Variants in FGGY observed in about 807,000 individuals in gnomAD.
The protein encoded by FGGY is FGGY carbohydrate kinase domain containing, also known as FGGY carbohydrate kinase domain-containing protein.
A neutral mutation model predicts 71.3 loss-of-function variants in FGGY; 72 were observed. That is an observed-to-expected ratio of 1.01 (90% CI 0.84 to 1.23). The LOEUF is 1.23. Among genes scored for constraint, FGGY ranks in the 50% most tolerant of loss-of-function variants. The pLI is 0.00. For missense variants in FGGY, 668 were observed against 682.3 expected (o/e 0.98, Z 0.23); for synonymous variants, 251 against 250.3 (o/e 1.00, Z -0.02).
chr1:59,302,385 A>G (rs1469282250), intron 1 of FGGY, among the ~76,000 whole-genome samples: 3 of 152,226 alleles, frequency 2.0e-5, no homozygotes, highest in Admixed American at 6.5e-5. Context: ...CACTATTCAC[A>G]ATAGCAAAGA....
At chr1:59,521,975 G>GAAAAAATAAAATAATAAAATAATA (rs2094846056) in intron 7 of FGGY, among the ~76,000 whole-genome samples, 1 of 152,198 alleles carries the variant, frequency 6.6e-6, no homozygotes, top group Admixed American at 6.5e-5. Context: ...TCCAGAGCTG[G>GAAAAAATAAAATAATAAAATAATA]AAATAATAAA....
chr1:59,426,605 C>T (rs1359044559), intron 5 of FGGY, among the ~76,000 whole-genome samples: 1 of 152,148 alleles, frequency 6.6e-6, no homozygotes, highest in Non-Finnish European at 1.5e-5. Context: ...AGAGGCCATC[C>T]CTGAATTTCT....
intron 14 of FGGY, among the ~76,000 whole-genome samples, chr1:59,701,231 A>G (rs1377994072): frequency 6.6e-6 from 1 of 152,214 alleles, no homozygotes; most frequent in Non-Finnish European, 1.5e-5. Context: ...AAGTCAGTTA[A>G]GATGAACATA....
chr1:59,467,906 G>T (rs2092728801), intron 6 of FGGY, among the ~76,000 whole-genome samples: 1 of 127,618 alleles, frequency 7.8e-6, no homozygotes, highest in African/African-American at 2.6e-5. Context: ...GTTTTGTTTT[G>T]TTTTGTTTTT....
intron 9 of FGGY, among the ~76,000 whole-genome samples, chr1:59,612,850 G>C (rs963219964): frequency 1.3e-5 from 2 of 152,150 alleles, no homozygotes; most frequent in African/African-American, 4.8e-5. Flanking sequence ...TGCAATCCTA[G>C]TCTCTGATAA....
intron 7 of FGGY, among the ~76,000 whole-genome samples, chr1:59,546,950 C>CTTTTTTTTTT (rs761977942): frequency 8.7e-6 from 1 of 115,208 alleles, no homozygotes; most frequent in Non-Finnish European, 1.8e-5. Context: ...ACCTTTTTGA[C>CTTTTTTTTTT]TTTTTTTTTT....
chr1:59,452,041 T>C (rs2072858856), intron 5 of FGGY, among the ~76,000 whole-genome samples: 1 of 152,080 alleles, frequency 6.6e-6, no homozygotes, highest in African/African-American at 2.4e-5. Context: ...CCTAGCCCTG[T>C]ATTCATTTAA....
At chr1:59,342,564 T>C (rs1337492149) in intron 3 of FGGY, among the ~76,000 whole-genome samples, 1 of 152,198 alleles carries the variant, frequency 6.6e-6, no homozygotes, top group African/African-American at 2.4e-5. Flanking sequence ...ATCAGTTTCT[T>C]GCCTTTCAAC....
intron 6 of FGGY, among the ~76,000 whole-genome samples, chr1:59,506,663 C>G (rs1428351017): frequency 1.3e-5 from 2 of 152,080 alleles, no homozygotes; most frequent in African/African-American, 4.8e-5. Context: ...GCCAGCCGTG[C>G]TGGCGTGTGC....
At chr1:59,573,648 TAGA>T (rs1344967014) in intron 8 of FGGY, among the ~76,000 whole-genome samples, 2 of 152,216 alleles carry the variant, frequency 1.3e-5, no homozygotes, top group African/African-American at 4.8e-5. Context: ...TGTTTTTTAA[TAGA>T]AGGAAGTAGT....
chr1:59,409,598 T>TATATATA (rs1553185795), intron 5 of FGGY, among the ~76,000 whole-genome samples: 174 of 105,766 alleles, frequency 1.6e-3, no homozygotes, highest in African/African-American at 4.9e-3. Context: ...GAAGAGTTTT[T>TATATATA]TATATATATA....
chr1:59,307,594 G>C (rs752236047), intron 1 of FGGY, among the ~76,000 whole-genome samples: 1 of 152,172 alleles, frequency 6.6e-6, no homozygotes, highest in Non-Finnish European at 1.5e-5. Flanking sequence ...AGGCCATCTG[G>C]TAAGTCACTG....
chr1:59,702,223 A>G (rs1210433927), intron 14 of FGGY, among the ~76,000 whole-genome samples: 1 of 152,186 alleles, frequency 6.6e-6, no homozygotes, highest in Non-Finnish European at 1.5e-5. Context: ...GGGGATTACA[A>G]TTCGAGGTGA....
chr1:59,394,073 A>G (rs535897532), intron 5 of FGGY, among the ~76,000 whole-genome samples: 4 of 152,272 alleles, frequency 2.6e-5, no homozygotes, highest in African/African-American at 7.2e-5. Flanking sequence ...CTGTTGGGGG[A>G]AAAGTCTGCC....
At chr1:59,694,413 G>A (rs1034150727) in intron 14 of FGGY, among the ~76,000 whole-genome samples, 1 of 152,122 alleles carries the variant, frequency 6.6e-6, no homozygotes, top group African/African-American at 2.4e-5. Context: ...TCGTGGACTG[G>A]TTCACATGTC....
At chr1:59,346,101 G>C (rs1196594984) in intron 3 of FGGY, 146 bp from the exon 4 acceptor site, 2 of 1,010,180 alleles carry the variant, frequency 2.0e-6, no homozygotes, top group Non-Finnish European at 2.9e-6. Flanking sequence ...CCTCAGCCTT[G>C]CTGGTGTCCT....
intron 6 of FGGY, among the ~76,000 whole-genome samples, chr1:59,460,528 T>G (rs2092101002): frequency 6.6e-6 from 1 of 152,210 alleles, no homozygotes; most frequent in South Asian, 2.1e-4. Context: ...CGTTCCTGTC[T>G]GACAGCTCTG....
chr1:59,537,688 C>T (rs1020137402), intron 7 of FGGY, among the ~76,000 whole-genome samples: 58 of 151,886 alleles, frequency 3.8e-4, no homozygotes, highest in African/African-American at 1.1e-3. Context: ...TCAGAAATAA[C>T]GCCGCATATC....
intron 5 of FGGY, among the ~76,000 whole-genome samples, chr1:59,401,265 A>G (rs570739775): frequency 8.5e-5 from 13 of 152,242 alleles, no homozygotes; most frequent in Non-Finnish European, 1.5e-4. Flanking sequence ...TCTTCAATGT[A>G]TAAAGCCCAT....
Sources: allele counts gnomAD v4.1 joint callset (sites outside exome capture counted in the v4.1 genomes callset), GRCh38; gene constraint gnomAD v4.1.1; transcripts MANE v1.5; gene names NCBI Gene and HGNC (gene_info 2026-07-23, HGNC 2026-07-21).